The following GLCCI1 variants were observed in gnomAD, a reference collection of about 807,000 sequenced individuals.
GLCCI1 encodes the protein glucocorticoid induced 1.
In GLCCI1, 24 loss-of-function variants were observed where a neutral mutation model predicts 52.2. That is an observed-to-expected ratio of 0.46 (90% CI 0.33 to 0.65). The LOEUF is 0.65. Ranked by LOEUF, GLCCI1 falls within the 30% of genes least tolerant of loss-of-function variation. GLCCI1 has a pLI of 0.02. For synonymous variants in GLCCI1, 310 were observed against 276.5 expected (o/e 1.12, Z -1.20); for missense variants, 704 against 701.5 (o/e 1.00, Z -0.04).
At chr7:8,021,583 T>C (rs1206609749) in intron 2 of GLCCI1, among the ~76,000 whole-genome samples, 1 of 152,170 alleles carries the variant, frequency 6.6e-6, no homozygotes, top group East Asian at 1.9e-4. Flanking sequence ...CAGCTAATTT[T>C]TTAGAGGCGG....
chr7:8,045,694 A>G (rs535513560), intron 3 of GLCCI1, among the ~76,000 whole-genome samples: 12 of 152,256 alleles, frequency 7.9e-5, no homozygotes, highest in Admixed American at 6.5e-4. Flanking sequence ...CCTATAATAT[A>G]TGTAGATGTG....
intron 1 of GLCCI1, among the ~76,000 whole-genome samples, chr7:7,985,161 T>C (rs1294346263): frequency 6.6e-6 from 1 of 152,098 alleles, no homozygotes; most frequent in Non-Finnish European, 1.5e-5. Context: ...ATTTGTATAT[T>C]TCTACAGGCT....
rs545594161 is a variant in GLCCI1 at position 8,081,412 on chromosome 7, A to T, written c.1178-3485A>T. ...TGATAGAGATAAAACCCATCTATAG[A>T]CTTAGGGCTAGAATAGAACCATGGC... On this transcript the variant is annotated intron_variant, in intron 6 of 7. Coordinates refer to ENST00000223145, the MANE Select transcript of GLCCI1 (RefSeq NM_138426.4). Among the ~76,000 whole-genome samples the T allele has an allele frequency of 4.6e-5, 7 of 152,336 alleles. No individual in the cohort carries two copies. The East Asian group carries it at 1.3e-3, about 29-fold the overall frequency.
At chr7:8,024,459 A>T (rs559126616) in intron 3 of GLCCI1, among the ~76,000 whole-genome samples, 9 of 152,252 alleles carry the variant, frequency 5.9e-5, no homozygotes, top group Admixed American at 1.3e-4. Context: ...TTGTATTTTT[A>T]TCTCAGAGTT....
intron 6 of GLCCI1, among the ~76,000 whole-genome samples, chr7:8,072,446 T>C (rs1782784246): frequency 4.6e-5 from 7 of 152,146 alleles, no homozygotes. Context: ...CCAGGTGTCT[T>C]TGGCTTCATG....
rs1783035671 is a variant in GLCCI1, at chr7:8,083,243, CTACTTACTTGTA to C, written c.1178-1652_1178-1641del. Among the ~76,000 whole-genome samples, 3 of 152,104 alleles carry C rather than the reference CTACTTACTTGTA, an allele frequency of 2.0e-5. No homozygotes were observed. The South Asian group carries it at 6.2e-4, about 32-fold the overall frequency. Reference sequence around the variant, plus strand: ...ATGAAGAATGGGATGTCCATCCTCCCTACTTACTTGTATTTTTGATCTCATATATTTCCTTTG... The same window carrying C: ...ATGAAGAATGGGATGTCCATCCTCCCTTTTTGATCTCATATATTTCCTTTG... On this transcript the variant is annotated intron_variant, in intron 6 of 7. Transcript: ENST00000223145.
At chr7:7,998,171 TTTTTG>T (rs1354120847) in intron 1 of GLCCI1, among the ~76,000 whole-genome samples, 35 of 66,080 alleles carry the variant, frequency 5.3e-4, no homozygotes, top group African/African-American at 3.2e-3. Flanking sequence ...GAGGTAGTTT[TTTTTG>T]TTTTTTTTTT....
intron 6 of GLCCI1, among the ~76,000 whole-genome samples, chr7:8,077,961 G>A (rs184828604): frequency 2.8e-4 from 43 of 152,224 alleles, no homozygotes; most frequent in African/African-American, 8.4e-4. Flanking sequence ...TAGGCCGGGC[G>A]CGGTGGCTCA....
chr7:8,005,625 A>T (rs541239215), intron 2 of GLCCI1, among the ~76,000 whole-genome samples: 1 of 152,276 alleles, frequency 6.6e-6, no homozygotes, highest in African/African-American at 2.4e-5. Context: ...ATTATTACTG[A>T]ACTGGGATTA....
At position 8,088,068 on chromosome 7, in the gene GLCCI1, C is replaced by G. The variant is rs564868358; in HGVS notation, c.*1530C>G. 4.6e-5 allele frequency: 7 copies of G among 152,090 alleles called. No individual in the cohort carries two copies. The highest frequency in any genetic ancestry group is 8.8e-5 in the Non-Finnish European group (6 of 68,014). 9.4% of individuals were successfully genotyped at this position (152,090 alleles called of 1,614,324 possible). A position where few individuals can be genotyped will look rare whatever the true frequency, so the allele number is the denominator to read the frequency against. ...CGCCTAAAGTGTATGGCACAATTTTCTTAAGAATTAGGGGAACCAGGTGCC... is the reference window on the plus strand; with the variant it reads ...CGCCTAAAGTGTATGGCACAATTTTGTTAAGAATTAGGGGAACCAGGTGCC... On this transcript the variant is annotated 3_prime_UTR_variant, in exon 8 of 8. Transcript: ENST00000223145.
intron 7 of GLCCI1, among the ~76,000 whole-genome samples, chr7:8,085,546 G>T (rs569871005): frequency 6.6e-6 from 1 of 152,232 alleles, no homozygotes; most frequent in Non-Finnish European, 1.5e-5. Context: ...CTCAGAAGAA[G>T]ACTGTGGTTC....
At chr7:8,046,481 C>T (rs1278688021) in intron 3 of GLCCI1, among the ~76,000 whole-genome samples, 1 of 152,182 alleles carries the variant, frequency 6.6e-6, no homozygotes, top group East Asian at 1.9e-4. Flanking sequence ...GAAACATTTA[C>T]AGTCTATTCT....
At chr7:7,980,785 A>G (rs907785117) in intron 1 of GLCCI1, 13 of 695,084 alleles carry the variant, frequency 1.9e-5, no homozygotes, top group Non-Finnish European at 3.4e-5. Flanking sequence ...GAGGTGACAG[A>G]AGGCATTGAC....
At position 8,086,452 on chromosome 7, in the gene GLCCI1, G is replaced by A. The variant is rs776365304; in HGVS notation, c.1558G>A (p.Val520Ile). ...TSTAGSMEASVQQPSQQQQLL... is the reference protein window; with the variant it reads ...TSTAGSMEASIQQPSQQQQLL... ...CACAGCGGGCTCCATGGAGGCCTCT[G>A]TCCAGCAGCCATCCCAGCAGCAGCA... Residue 520 changes from valine (V) to isoleucine (I), a missense_variant, in exon 8 of 8, where the codon GTC becomes ATC. By Grantham distance (29) the Val-to-Ile change is conservative (BLOSUM62 3). Around this residue, in one of 3 missense-constraint regions of GLCCI1, gnomAD observed 149 missense variants for 152.9 expected, o/e 0.97. Coordinates refer to ENST00000223145, the MANE Select transcript of GLCCI1 (RefSeq NM_138426.4). The surrounding 1 kb of genome is among the most constrained non-coding windows in gnomAD (Gnocchi z 4.4). The A allele has an allele frequency of 6.2e-7, 1 of 1,614,170 alleles. No individual in the cohort carries two copies. The highest frequency in any genetic ancestry group is 8.5e-7 in the Non-Finnish European group (1 of 1,180,044).
rs1159664128 is a variant in GLCCI1, at chr7:8,046,377, A to C, written c.697-9056A>C. Among the ~76,000 whole-genome samples the C allele has an allele frequency of 2.0e-5, 3 of 152,218 alleles. No individual in the cohort carries two copies. In the East Asian group the frequency reaches 5.8e-4, roughly 29 times the overall value. On this transcript the variant is annotated intron_variant, in intron 3 of 7. Transcript: ENST00000223145. ...ACTGGTTCAGGCCATTATGGGAAGC[A>C]GGGGTGGACATGCCTCTTTATGCCC...
intron 3 of GLCCI1, among the ~76,000 whole-genome samples, chr7:8,041,752 A>G (rs1782003863): frequency 6.6e-6 from 1 of 152,014 alleles, no homozygotes; most frequent in Non-Finnish European, 1.5e-5. Flanking sequence ...CACCACACCC[A>G]GCTAATTGTT....
chr7:8,060,709 T>C (rs1782495050), intron 5 of GLCCI1, among the ~76,000 whole-genome samples: 1 of 152,260 alleles, frequency 6.6e-6, no homozygotes, highest in South Asian at 2.1e-4. Flanking sequence ...GGATTTTATT[T>C]ATTCAGTCAT....
intron 2 of GLCCI1, among the ~76,000 whole-genome samples, chr7:8,012,658 G>C (rs1781291970): frequency 6.6e-6 from 1 of 151,542 alleles, no homozygotes; most frequent in Admixed American, 6.6e-5. Flanking sequence ...TGTTAGCCAG[G>C]ATGGTCTTGA....
At position 8,086,377 on chromosome 7, in the gene GLCCI1, G is replaced by A; in HGVS notation, c.1483G>A (p.Glu495Lys). ...CTCAGCTTTGGCAACTCTGACCGTT[G>A]AGCAGCTCTCATCCCGGGTTTCCTT... ...QSSALATLTV[E>K]QLSSRVSFTS... is the part of the protein sequence containing the mutation. Residue 495 changes from glutamate (E) to lysine (K), a missense_variant, in exon 8 of 8, where the codon GAG becomes AAG. By Grantham distance (56) the Glu-to-Lys change is moderately conservative. Around this residue, in one of 3 missense-constraint regions of GLCCI1, gnomAD observed 149 missense variants for 152.9 expected, o/e 0.97. Coordinates refer to ENST00000223145, the MANE Select transcript of GLCCI1 (RefSeq NM_138426.4). The surrounding 1 kb of genome is among the most constrained non-coding windows in gnomAD (Gnocchi z 4.4). 1 of 1,614,064 alleles carries A rather than the reference G, an allele frequency of 6.2e-7. No individual in the cohort carries two copies. The highest frequency in any genetic ancestry group is 8.5e-7 in the Non-Finnish European group (1 of 1,180,014).
Sources: allele counts gnomAD v4.1 joint callset (sites outside exome capture counted in the v4.1 genomes callset), GRCh38; gene constraint gnomAD v4.1.1; regional missense constraint gnomAD v4.1.1; non-coding constraint Gnocchi (gnomAD v3.1); transcripts MANE v1.5; gene names NCBI Gene and HGNC (gene_info 2026-07-23, HGNC 2026-07-21).